The following SPNS2 variants were observed in gnomAD, a reference collection of about 807,000 sequenced individuals.
SPNS2 encodes the protein SPNS lysolipid transporter 2, sphingosine-1-phosphate.
In SPNS2, 37 loss-of-function variants were observed where a neutral mutation model predicts 57.6. That is an observed-to-expected ratio of 0.64 (90% CI 0.49 to 0.85). The LOEUF (loss-of-function observed/expected upper bound fraction) is 0.85, where lower values mean the gene tolerates loss of function less well. Among genes scored for constraint, SPNS2 ranks in the 40% least tolerant of loss-of-function variants. SPNS2 has a pLI of 0.00. For synonymous variants in SPNS2, 440 were observed against 346.9 expected (o/e 1.27, Z -2.98); for missense variants, 831 against 779.1 (o/e 1.07, Z -0.79).
At chr17:4,509,734 G>A (rs1904779772) in intron 1 of SPNS2, among the ~76,000 whole-genome samples, 1 of 152,262 alleles carries the variant, frequency 6.6e-6, no homozygotes, top group African/African-American at 2.4e-5. Flanking sequence ...ACTTGTCAAT[G>A]GATGTTGTTC....
At chr17:4,501,530 T>A (rs1189773894) in intron 1 of SPNS2, among the ~76,000 whole-genome samples, 1 of 151,960 alleles carries the variant, frequency 6.6e-6, no homozygotes, top group Non-Finnish European at 1.5e-5. Flanking sequence ...GGGCTGTGCC[T>A]CCCTCCCTCT....
At position 4,532,460 on chromosome 17, in the gene SPNS2, A is replaced by T; in HGVS notation, c.793-82A>T. ...GAGAAGCCTATGGCCCAGAGAAGGC[A>T]TGGGCTTGCCTGAGTCCCTCCTTCT... On this transcript the variant is annotated intron_variant, in intron 5 of 12. Coordinates refer to ENST00000329078, the MANE Select transcript of SPNS2 (RefSeq NM_001124758.3). The T allele has an allele frequency of 2.5e-6, 4 of 1,597,392 alleles. No homozygotes were observed. The South Asian group carries it at 3.3e-5, about 13-fold the overall frequency.
At chr17:4,532,720 G>C (rs1315012644) in intron 6 of SPNS2, 36 bp downstream of exon 6, 5 of 1,601,934 alleles carry the variant, frequency 3.1e-6, no homozygotes, top group Non-Finnish European at 4.3e-6. Context: ...TGGGAAGAGA[G>C]AGGGGTGCTG....
chr17:4,531,190 T>C, intron 5 of SPNS2, 71 bp downstream of exon 5: 1 of 1,469,546 alleles, frequency 6.8e-7, no homozygotes. Flanking sequence ...CCCAGAGATG[T>C]AATCCAGGCT....
intron 6 of SPNS2, 119 bp from the exon 7 acceptor site, chr17:4,532,858 C>A: frequency 6.8e-7 from 1 of 1,477,236 alleles, no homozygotes; most frequent in Non-Finnish European, 9.1e-7. Flanking sequence ...CCTGAACCCT[C>A]ACCCCTGGAG....
At chr17:4,535,294 C>G (rs1905722630) in intron 9 of SPNS2, among the ~76,000 whole-genome samples, 1 of 152,164 alleles carries the variant, frequency 6.6e-6, no homozygotes, top group Admixed American at 6.5e-5. Context: ...GCTGAGGGTG[C>G]CCGCGGGTGC....
rs2144354625 is a variant in SPNS2, at chr17:4,528,155, T to C, written c.574-2477T>C. ...CTCCTGCCTCAGCCTCCCAAGTAGCTGGGATTACAGGCACGCGCCACCACA... is the reference window on the plus strand; with the variant it reads ...CTCCTGCCTCAGCCTCCCAAGTAGCCGGGATTACAGGCACGCGCCACCACA... On this transcript the variant is annotated intron_variant, in intron 3 of 12. Transcript: ENST00000329078. Among the ~76,000 whole-genome samples, 3 of 151,920 alleles carry C rather than the reference T, an allele frequency of 2.0e-5. No homozygotes were observed. In the Middle Eastern group the frequency reaches 0.01, roughly 520 times the overall value.
intron 1 of SPNS2, among the ~76,000 whole-genome samples, chr17:4,500,055 G>C (rs1172944300): frequency 6.6e-6 from 1 of 152,196 alleles, no homozygotes; most frequent in Non-Finnish European, 1.5e-5. Context: ...GCGGTTTGCA[G>C]CTGGCCCTGT....
chr17:4,515,941 A>G (rs1243795338), intron 2 of SPNS2, among the ~76,000 whole-genome samples: 1 of 152,116 alleles, frequency 6.6e-6, no homozygotes. Context: ...TGCAGATTAG[A>G]TGGCTGCTGG....
chr17:4,503,424 G>A (rs770295490), intron 1 of SPNS2, among the ~76,000 whole-genome samples: 4 of 152,234 alleles, frequency 2.6e-5, no homozygotes, highest in Non-Finnish European at 5.9e-5. Context: ...GCAAGGTCAG[G>A]AGAAGGAGGG....
chr17:4,513,611 G>C (rs899337689), intron 2 of SPNS2, among the ~76,000 whole-genome samples: 2 of 152,142 alleles, frequency 1.3e-5, no homozygotes, highest in African/African-American at 4.8e-5. Context: ...GGGCCTCATC[G>C]GGACCCAGTG....
chr17:4,534,164 G>T (rs527504435), intron 9 of SPNS2, among the ~76,000 whole-genome samples: 1 of 152,290 alleles, frequency 6.6e-6, no homozygotes, highest in East Asian at 1.9e-4. Flanking sequence ...CTGCCTGCCC[G>T]CCCTCCTCCC....
intron 3 of SPNS2, among the ~76,000 whole-genome samples, chr17:4,527,255 A>G (rs764151550): frequency 2.6e-5 from 4 of 152,268 alleles, no homozygotes; most frequent in Non-Finnish European, 5.9e-5. Context: ...AACATTGTGA[A>G]AAAATAACAG....
rs1269670065 is a variant in SPNS2, at chr17:4,536,424, G to A, written c.1605G>A (p.Gln535=). The change falls in exon 11 of 13, where the codon CAG becomes CAA. Residue 535 remains glutamine (Q), a splice_region_variant and synonymous_variant. Coordinates refer to ENST00000329078, the MANE Select transcript of SPNS2 (RefSeq NM_001124758.3). ...FFVSDRARAE[Q]QVNQLAMPPA... is the part of the protein sequence containing the mutation. ...TCAGCGACCGCGCCAGGGCTGAGCA[G>A]CAGTGAGTGGGGGGGAGGGGAGGCC... The A allele has an allele frequency of 2.6e-6, 4 of 1,564,674 alleles. No homozygotes were observed. The highest frequency in any genetic ancestry group is 1.8e-5 in the Admixed American group (1 of 56,850).
chr17:4,502,070 T>A (rs994011735), intron 1 of SPNS2, among the ~76,000 whole-genome samples: 1 of 152,158 alleles, frequency 6.6e-6, no homozygotes, highest in South Asian at 2.1e-4. Context: ...TATTTCAACA[T>A]GTAATCAATA....
intron 3 of SPNS2, among the ~76,000 whole-genome samples, chr17:4,527,457 G>C (rs1905288032): frequency 6.6e-6 from 1 of 152,244 alleles, no homozygotes; most frequent in Non-Finnish European, 1.5e-5. Flanking sequence ...TTTGGCCTGT[G>C]TTTCAAACCA....
intron 2 of SPNS2, among the ~76,000 whole-genome samples, chr17:4,520,415 C>G (rs1263129731): frequency 6.6e-6 from 1 of 152,162 alleles, no homozygotes; most frequent in Non-Finnish European, 1.5e-5. Context: ...TGGCGAAGGT[C>G]TGGGTCACGT....
intron 3 of SPNS2, among the ~76,000 whole-genome samples, chr17:4,529,770 A>G (rs1005236679): frequency 6.6e-6 from 1 of 152,222 alleles, no homozygotes; most frequent in Admixed American, 6.5e-5. Flanking sequence ...GAAGAGAAAC[A>G]GAGGCGAGGA....
In SPNS2 at chr17:4,533,055, C is replaced by T. The variant is rs963140825; in HGVS notation, c.1014C>T (p.Leu338=). 1.9e-6 allele frequency: 3 copies of T among 1,613,454 alleles called. No homozygotes were observed. Among genetic ancestry groups the T allele is most frequent in the Admixed American group, 1.7e-5 (1 of 60,016 alleles). Residue 338 remains leucine (L), a synonymous_variant, in exon 7 of 13, where the codon CTC becomes CTT. Transcript: ENST00000329078. Reference sequence around the variant, plus strand: ...GGGCCCTGGGCATGTGGATCCCGCTCTACCTGCACCGCGCCCAAGTTGTGC... The same window carrying T: ...GGGCCCTGGGCATGTGGATCCCGCTTTACCTGCACCGCGCCCAAGTTGTGC... ...ATGALGMWIP[L]YLHRAQVVQK...
Sources: gnomAD v4.1 joint callset for allele counts (sites outside exome capture counted in the v4.1 genomes callset) on GRCh38, gnomAD v4.1.1 for gene constraint, MANE v1.5 for transcripts, NCBI Gene and HGNC (gene_info 2026-07-23, HGNC 2026-07-21) for gene names.